LIMCH1: variants seen among roughly 807,000 people sequenced by gnomAD.
LIMCH1 encodes the protein LIM and calponin homology domains-containing protein 1.
LIMCH1 carries 113 observed loss-of-function variants against 176.5 expected under a neutral mutation model. The ratio of observed to expected loss-of-function variants is 0.64; its 90% CI spans 0.55 to 0.75. LIMCH1 has a LOEUF of 0.75. LIMCH1 is among the 30% of genes least tolerant of loss of function. The pLI is 0.00. For missense variants in LIMCH1, 1,674 were observed against 1,814.9 expected (o/e 0.92, Z 1.41); for synonymous variants, 619 against 645.9 (o/e 0.96, Z 0.63).
intron 23 of LIMCH1, among the ~76,000 whole-genome samples, chr4:41,677,446 T>C (rs1271712801): frequency 2.0e-5 from 3 of 152,102 alleles, no homozygotes; most frequent in Non-Finnish European, 4.4e-5. Flanking sequence ...AAATGTTTGC[T>C]CTACCTTTGG....
At chr4:41,399,207 C>T (rs902125511) in intron 1 of LIMCH1, among the ~76,000 whole-genome samples, 15 of 152,030 alleles carry the variant, frequency 9.9e-5, no homozygotes, top group Admixed American at 3.3e-4. Context: ...GTTGTTTATT[C>T]TGAAAAGCAT....
At chr4:41,385,314 C>T (rs2056337493) in intron 1 of LIMCH1, among the ~76,000 whole-genome samples, 1 of 152,174 alleles carries the variant, frequency 6.6e-6, no homozygotes, top group African/African-American at 2.4e-5. Flanking sequence ...AAGTGAGCCT[C>T]CTCTTTTTAA....
intron 9 of LIMCH1, 81 bp downstream of exon 9, chr4:41,629,815 C>A: frequency 1.1e-5 from 13 of 1,166,058 alleles, no homozygotes; most frequent in Non-Finnish European, 1.5e-5. Flanking sequence ...ATCTTTGTGT[C>A]TTTTTTTTTT....
chr4:41,679,435 C>G (rs1024145703), intron 23 of LIMCH1, among the ~76,000 whole-genome samples: 23 of 152,160 alleles, frequency 1.5e-4, no homozygotes, highest in African/African-American at 5.6e-4. Flanking sequence ...AAGAAGTACT[C>G]TAATGGACTG....
chr4:41,433,384 C>T (rs1423436272), intron 1 of LIMCH1, among the ~76,000 whole-genome samples: 1 of 152,128 alleles, frequency 6.6e-6, no homozygotes, highest in Non-Finnish European at 1.5e-5. Context: ...AGAAATGACT[C>T]CAAACTTAGT....
At chr4:41,495,365 GAT>G (rs973144012) in intron 2 of LIMCH1, among the ~76,000 whole-genome samples, 2 of 152,184 alleles carry the variant, frequency 1.3e-5, no homozygotes, top group Non-Finnish European at 2.9e-5. Flanking sequence ...GGTATTGAAA[GAT>G]GTGTACATGT....
chr4:41,464,370 CTTTT>C (rs753362999), intron 1 of LIMCH1, among the ~76,000 whole-genome samples: 1 of 139,122 alleles, frequency 7.2e-6, no homozygotes, highest in Admixed American at 7.2e-5. Flanking sequence ...TTCTTTTTTT[CTTTT>C]TTTTTTTTTT....
chr4:41,460,476 A>ATATATATATATATATCTATC (rs965621988), intron 1 of LIMCH1, among the ~76,000 whole-genome samples: 3 of 142,666 alleles, frequency 2.1e-5, no homozygotes, highest in African/African-American at 8.2e-5. Context: ...ATATATATAT[A>ATATATATATATATATCTATC]TATCTTATAA....
chr4:41,678,768 CTCTCTGCA>C (rs139481755), intron 23 of LIMCH1, among the ~76,000 whole-genome samples: 11,054 of 151,992 alleles, frequency 0.073, 496 homozygotes, highest in South Asian at 0.14. Flanking sequence ...GCATCTTTCA[CTCTCTGCA>C]TCTCTGCATC....
chr4:41,422,069 C>T (rs1424009890), intron 1 of LIMCH1, among the ~76,000 whole-genome samples: 4 of 151,900 alleles, frequency 2.6e-5, no homozygotes, highest in Non-Finnish European at 1.5e-5. Context: ...GGTGACAGAG[C>T]GAGGCTCTGT....
chr4:41,582,588 C>T (rs1486525293), intron 1 of LIMCH1, among the ~76,000 whole-genome samples: 1 of 152,144 alleles, frequency 6.6e-6, no homozygotes, highest in Non-Finnish European at 1.5e-5. Flanking sequence ...TTGGTTCAAC[C>T]ATTTACGTGT....
chr4:41,675,963 G>A (rs980578065), intron 22 of LIMCH1, among the ~76,000 whole-genome samples: 9 of 152,256 alleles, frequency 5.9e-5, no homozygotes, highest in South Asian at 4.2e-4. Context: ...TTTTTATAGC[G>A]TGGCAAACAA....
chr4:41,523,556 AACATTCT>A (rs2076328092), intron 2 of LIMCH1, among the ~76,000 whole-genome samples: 1 of 152,212 alleles, frequency 6.6e-6, no homozygotes, highest in South Asian at 2.1e-4. Flanking sequence ...ACGTGGAAAT[AACATTCT>A]ACATTCTACA....
intron 1 of LIMCH1, among the ~76,000 whole-genome samples, chr4:41,487,305 C>A (rs1452909921): frequency 6.6e-6 from 1 of 152,070 alleles, no homozygotes; most frequent in Non-Finnish European, 1.5e-5. Context: ...GTGCATCTAT[C>A]CTAAATAGAT....
At chr4:41,491,104 G>A (rs1234312048) in intron 1 of LIMCH1, among the ~76,000 whole-genome samples, 19 of 142,094 alleles carry the variant, frequency 1.3e-4, no homozygotes, top group Non-Finnish European at 3.1e-5. Context: ...GGACAGAGGC[G>A]CTCCTCACCT....
Position 41,646,631 on chromosome 4 carries a change from G to T in LIMCH1, c.2558G>T (p.Arg853Ile). The T allele has an allele frequency of 6.2e-7, 1 of 1,614,190 alleles. No individual in the cohort carries two copies. Among genetic ancestry groups the T allele is most frequent in the Non-Finnish European group, 8.5e-7 (1 of 1,180,032 alleles). Residue 853 changes from arginine to isoleucine, a missense_variant, in exon 17 of 32, where the codon AGA (arginine) becomes ATA (isoleucine). Coordinates refer to ENST00000503057, the MANE Select transcript of LIMCH1 (RefSeq NM_001330672.2). ...ERLEMPKILE[R>I]SHSTEPNLSS... Reference sequence around the variant, plus strand: ...TTGGAGATGCCAAAAATTCTGGAAAGAAGCCATTCAACAGAGCCAAATTTA... The same window carrying T: ...TTGGAGATGCCAAAAATTCTGGAAATAAGCCATTCAACAGAGCCAAATTTA...
At position 41,688,573 on chromosome 4, in the gene LIMCH1, T is replaced by C. The variant is rs561906444; in HGVS notation, c.4166+656T>C. ...TTTCTCCTGTCCCTCTGTATCCTGCTGGTTTTCAAATGATATTGCATATTT... is the reference window on the plus strand; with the variant it reads ...TTTCTCCTGTCCCTCTGTATCCTGCCGGTTTTCAAATGATATTGCATATTT... On this transcript the variant is annotated intron_variant, in intron 29 of 31. Coordinates refer to ENST00000503057, the MANE Select transcript of LIMCH1 (RefSeq NM_001330672.2). Among the ~76,000 whole-genome samples, 221 of 152,360 alleles carry C rather than the reference T, an allele frequency of 1.5e-3. 1 individual carries two copies. The highest frequency in any genetic ancestry group is 2.5e-3 in the Non-Finnish European group (169 of 68,024).
At chr4:41,609,047 G>A (rs2091099587) in intron 4 of LIMCH1, among the ~76,000 whole-genome samples, 1 of 152,076 alleles carries the variant, frequency 6.6e-6, no homozygotes, top group Non-Finnish European at 1.5e-5. Context: ...GCCCCATGTG[G>A]ACCTTATTCC....
chr4:41,463,096 C>T (rs2065611349), intron 1 of LIMCH1, among the ~76,000 whole-genome samples: 1 of 151,802 alleles, frequency 6.6e-6, no homozygotes, highest in Admixed American at 6.6e-5. Flanking sequence ...GTCTTCTGTG[C>T]TACTATGACC....
Sources: allele counts gnomAD v4.1 joint callset (sites outside exome capture counted in the v4.1 genomes callset), GRCh38; gene constraint gnomAD v4.1.1; transcripts MANE v1.5; gene names NCBI Gene and HGNC (gene_info 2026-07-23, HGNC 2026-07-21).